The following IYD variants were observed in gnomAD, a reference collection of about 807,000 sequenced individuals.
IYD encodes iodotyrosine deiodinase 1.
Under a neutral mutation model 28.4 loss-of-function variants are expected in IYD, and 25 were observed. The observed-to-expected ratio is 0.88, with a 90% CI of 0.64 to 1.23. The LOEUF is 1.23. Among genes scored for constraint, IYD ranks in the 50% most tolerant of loss-of-function variants. The probability of loss-of-function intolerance (pLI) is 0.00; values close to 1 mark genes in which losing one functional copy is unlikely to be tolerated. For missense variants in IYD, 352 were observed against 357.9 expected (o/e 0.98, Z 0.13); for synonymous variants, 140 against 130.8 (o/e 1.07, Z -0.48).
At position 150,398,153 on chromosome 6, in the gene IYD, G is replaced by T; in HGVS notation, c.786G>T (p.Leu262=). Residue 262 remains leucine, a synonymous_variant, in exon 5 of 5, where the codon CTG becomes CTT. Coordinates refer to ENST00000344419, the MANE Select transcript of IYD (RefSeq NM_203395.3). ...GRPAHEKLLM[L]LPVGYPSKEA... The stretch of plus-strand genomic sequence containing the variant: ...CCGCACATGAAAAGCTGCTGATGCT[G>T]CTCCCCGTGGGGTACCCCAGCAAGG... 1 of 1,614,184 alleles carries T rather than the reference G, an allele frequency of 6.2e-7. No individual in the cohort carries two copies. Among genetic ancestry groups the T allele is most frequent in the Non-Finnish European group, 8.5e-7 (1 of 1,180,034 alleles).
chr6:150,394,132 C>T lies in IYD; in HGVS notation c.564C>T (p.Ala188=). 1 of 1,614,004 alleles carries T rather than the reference C, an allele frequency of 6.2e-7. No individual in the cohort carries two copies. The highest frequency in any genetic ancestry group is 1.3e-5 in the African/African-American group (1 of 74,986). The change falls in exon 4 of 5, where the codon GCC becomes GCT. Residue 188 remains alanine, a synonymous_variant. Transcript: ENST00000344419. ...GGATTAAAGAGTACTTGGATACTGCCCCTATTTTGATTCTCATTTTCAAAC... is the reference window on the plus strand; with the variant it reads ...GGATTAAAGAGTACTTGGATACTGCTCCTATTTTGATTCTCATTTTCAAAC... ...TNWIKEYLDT[A]PILILIFKQV... is the part of the protein sequence containing the mutation.
At chr6:150,381,236 T>A (rs757622005) in intron 1 of IYD, among the ~76,000 whole-genome samples, 3 of 152,238 alleles carry the variant, frequency 2.0e-5, no homozygotes, top group Non-Finnish European at 4.4e-5. Flanking sequence ...GCTATTGTAC[T>A]TACAGAAATG....
intron 1 of IYD, among the ~76,000 whole-genome samples, chr6:150,380,234 G>A (rs899519294): frequency 6.6e-6 from 1 of 152,084 alleles, no homozygotes. Flanking sequence ...ATTGTAACCT[G>A]AAAACTTGTT....
chr6:150,398,106 C>A lies in IYD; in HGVS notation c.739C>A (p.Leu247Met), dbSNP rs1436737360. 4 of 1,614,100 alleles carry A rather than the reference C, an allele frequency of 2.5e-6. No homozygotes were observed. The African/African-American group carries it at 4.0e-5, about 16-fold the overall frequency. The change falls in exon 5 of 5, where the codon CTG (leucine) becomes ATG (methionine). Residue 247 changes from leucine to methionine, a missense_variant. Physicochemically the swap from Leu to Met is conservative, Grantham distance 15. Coordinates refer to ENST00000344419, the MANE Select transcript of IYD (RefSeq NM_203395.3). The part of the protein sequence containing the change: ...TTTPLNCGPR[L>M]RVLLGRPAHE... The stretch of plus-strand genomic sequence containing the variant: ...CACTCCTCTCAACTGTGGCCCTCGA[C>A]TGAGGGTGCTCCTGGGCCGCCCCGC...
chr6:150,369,992 A>G lies in IYD; in HGVS notation c.178+783A>G, dbSNP rs376816956. On this transcript the variant is annotated intron_variant, in intron 1 of 4. Transcript: ENST00000344419. The stretch of plus-strand genomic sequence containing the variant: ...GGAAGGTTATGGCCACCTTGAGAAG[A>G]AGAGGTGATGAAGGAGGCAGGTAGG... 4.1e-5 allele frequency: 29 copies of G among 702,156 alleles called. No homozygotes were observed. In the African/African-American group the frequency reaches 4.2e-4, roughly 10 times the overall value. The allele number at this position is 702,156 out of a possible 1,614,324, so 43.5% of individuals were successfully genotyped here.
At chr6:150,380,325 T>C (rs753589933) in intron 1 of IYD, among the ~76,000 whole-genome samples, 8 of 152,164 alleles carry the variant, frequency 5.3e-5, no homozygotes, top group African/African-American at 1.7e-4. Flanking sequence ...CAACTACCAC[T>C]ACCACTACCA....
At chr6:150,382,905 A>G (rs1160164518) in intron 1 of IYD, among the ~76,000 whole-genome samples, 2 of 152,202 alleles carry the variant, frequency 1.3e-5, no homozygotes, top group Non-Finnish European at 2.9e-5. Flanking sequence ...TGTGGCTGAT[A>G]ACTCCAGTAT....
chr6:150,379,102 C>T (rs1777555724), intron 1 of IYD, among the ~76,000 whole-genome samples: 1 of 152,164 alleles, frequency 6.6e-6, no homozygotes, highest in African/African-American at 2.4e-5. Flanking sequence ...TCCTGCCCAC[C>T]CCCAATAGTT....
chr6:150,390,595 C>T (rs950944900), intron 2 of IYD, among the ~76,000 whole-genome samples: 8 of 152,140 alleles, frequency 5.3e-5, no homozygotes, highest in African/African-American at 1.9e-4. Flanking sequence ...AAGAACCCCA[C>T]CAAGAGTCTG....
intron 2 of IYD, among the ~76,000 whole-genome samples, chr6:150,391,774 T>C (rs1408083231): frequency 6.6e-6 from 1 of 152,184 alleles, no homozygotes; most frequent in Non-Finnish European, 1.5e-5. Flanking sequence ...AGTGGCACCA[T>C]CTTAGCTCAC....
chr6:150,369,900 T>TA, intron 1 of IYD: 1 of 689,530 alleles, frequency 1.5e-6, no homozygotes, highest in South Asian at 1.5e-5. Flanking sequence ...GGGGCAGGGG[T>TA]AAGAGAGGAA....
chr6:150,394,970 G>A (rs1160262473), intron 4 of IYD, among the ~76,000 whole-genome samples: 1 of 152,288 alleles, frequency 6.6e-6, no homozygotes, highest in East Asian at 1.9e-4. Context: ...TGGGACTATA[G>A]GCAGGCACCA....
intron 4 of IYD, chr6:150,396,091 A>G (rs528352741): frequency 3.2e-5 from 7 of 221,084 alleles, no homozygotes; most frequent in African/African-American, 1.4e-4. Flanking sequence ...AGTAGTGATG[A>G]ATGTAATGAT....
chr6:150,394,307 T>G, intron 4 of IYD, 52 bp downstream of exon 4: 1 of 1,601,548 alleles, frequency 6.2e-7, no homozygotes. Context: ...ACATTTCAGC[T>G]GAGTTTTCAA....
At chr6:150,374,495 G>A (rs632750) in intron 1 of IYD, among the ~76,000 whole-genome samples, 135,504 of 152,272 alleles carry the variant, frequency 0.89, 60,637 homozygotes, top group East Asian at 0.98. Context: ...GAGATGCCTC[G>A]CAATCATGGT....
rs139564050 is a variant in IYD at position 150,369,081 on chromosome 6, T to C, written c.50T>C (p.Val17Ala). ...ILVAILCILV[V>A]WIFKNADRSM... ...GTAGCCATTCTCTGCATTTTGGTTGTGTGGATCTTTAAAAATGCCGACAGA... is the reference window on the plus strand; with the variant it reads ...GTAGCCATTCTCTGCATTTTGGTTGCGTGGATCTTTAAAAATGCCGACAGA... The change falls in exon 1 of 5, where the codon GTG becomes GCG. Residue 17 changes from valine (V) to alanine (A), a missense_variant. Physicochemically the swap from Val to Ala is moderately conservative, Grantham distance 64 (BLOSUM62 0). Transcript: ENST00000344419. The C allele has an allele frequency of 4.3e-6, 7 of 1,613,870 alleles. No homozygotes were observed. In the African/African-American group the frequency reaches 5.3e-5, roughly 12 times the overall value.
At chr6:150,395,370 TGTA>T in intron 4 of IYD, 2 of 1,518,584 alleles carry the variant, frequency 1.3e-6, no homozygotes, top group African/African-American at 2.8e-5. Flanking sequence ...CCTCCCAAAA[TGTA>T]GTCATTGAAA....
At chr6:150,372,698 G>GC (rs1777309214) in intron 1 of IYD, among the ~76,000 whole-genome samples, 1 of 124,798 alleles carries the variant, frequency 8.0e-6, no homozygotes, top group Non-Finnish European at 1.6e-5. Flanking sequence ...GTGTGTGTGG[G>GC]GGTGTGTTGG....
Position 150,398,352 on chromosome 6 carries a change from T to C in IYD, c.*115T>C. The C allele has an allele frequency of 1.0e-6, 1 of 996,406 alleles. No homozygotes were observed. The highest frequency in any genetic ancestry group is 1.6e-6 in the Non-Finnish European group (1 of 644,576). 61.7% of individuals were successfully genotyped at this position (996,406 alleles called of 1,614,324 possible). The stretch of plus-strand genomic sequence containing the variant: ...TTTCTCCAGGTGTCAGGTCCCCTCA[T>C]TGCTCTTCTCAGGTGGCCACACTAT... On this transcript the variant is annotated 3_prime_UTR_variant, in exon 5 of 5. Coordinates refer to ENST00000344419, the MANE Select transcript of IYD (RefSeq NM_203395.3).
Sources: allele counts gnomAD v4.1 joint callset (sites outside exome capture counted in the v4.1 genomes callset), GRCh38; gene constraint gnomAD v4.1.1; transcripts MANE v1.5; gene names NCBI Gene and HGNC (gene_info 2026-07-23, HGNC 2026-07-21).